The following AGBL4 variants were observed in gnomAD, a reference collection of about 807,000 sequenced individuals.
The protein encoded by AGBL4 is AGBL carboxypeptidase 4, also known as cytosolic carboxypeptidase 6.
A neutral mutation model predicts 66.4 loss-of-function variants in AGBL4; 58 were observed. The ratio of observed to expected loss-of-function variants is 0.87; its 90% CI spans 0.71 to 1.09. The LOEUF (loss-of-function observed/expected upper bound fraction) is 1.09, where lower values mean the gene tolerates loss of function less well. AGBL4 is among the 50% of genes least tolerant of loss of function. The pLI, the probability that AGBL4 is intolerant of heterozygous loss-of-function variation, is 0.00. For synonymous variants in AGBL4, 234 were observed against 222.9 expected, an observed-to-expected ratio of 1.05 and a Z score of -0.44; for missense variants, 579 against 631.0, an observed-to-expected ratio of 0.92 and a Z score of 0.88.
At chr1:49,315,939 G>A (rs1245800668) in intron 3 of AGBL4, among the ~76,000 whole-genome samples, 2 of 152,020 alleles carry the variant, frequency 1.3e-5, no homozygotes, top group East Asian at 1.9e-4. Flanking sequence ...CTACAAAGAA[G>A]AGCGCTATCA....
chr1:48,732,039 A>T (rs557275100), intron 6 of AGBL4, among the ~76,000 whole-genome samples: 2 of 152,190 alleles, frequency 1.3e-5, no homozygotes. Flanking sequence ...TGGAAAAAGT[A>T]GAGAAACTTT....
At chr1:49,147,589 G>T (rs1646242992) in intron 4 of AGBL4, among the ~76,000 whole-genome samples, 1 of 152,238 alleles carries the variant, frequency 6.6e-6, no homozygotes, top group South Asian at 2.1e-4. Context: ...GAGGAGAAAA[G>T]TTGCCACCTC....
At chr1:49,217,787 A>G (rs1452408846) in intron 4 of AGBL4, among the ~76,000 whole-genome samples, 1 of 152,106 alleles carries the variant, frequency 6.6e-6, no homozygotes, top group African/African-American at 2.4e-5. Flanking sequence ...TTAAGTCTGG[A>G]GAATGAATTA....
chr1:49,713,632 A>C (rs1647844891), intron 2 of AGBL4, among the ~76,000 whole-genome samples: 1 of 152,058 alleles, frequency 6.6e-6, no homozygotes, highest in Non-Finnish European at 1.5e-5. Context: ...ACACACATAC[A>C]TAAACAGATT....
At chr1:49,369,396 C>G (rs1009361455) in intron 3 of AGBL4, among the ~76,000 whole-genome samples, 5 of 152,118 alleles carry the variant, frequency 3.3e-5, no homozygotes, top group Admixed American at 3.3e-4. Flanking sequence ...AACTTCTTGT[C>G]TTAATCAACC....
chr1:49,683,286 T>G (rs1206212277), intron 3 of AGBL4, among the ~76,000 whole-genome samples: 1 of 152,076 alleles, frequency 6.6e-6, no homozygotes, highest in Non-Finnish European at 1.5e-5. Context: ...TATACCAGGG[T>G]GTCATTGCAG....
At chr1:49,358,640 C>T (rs1001415879) in intron 3 of AGBL4, among the ~76,000 whole-genome samples, 6 of 152,008 alleles carry the variant, frequency 3.9e-5, no homozygotes, top group East Asian at 1.9e-4. Flanking sequence ...TATTGGTTAG[C>T]GCTGAACATT....
intron 2 of AGBL4, among the ~76,000 whole-genome samples, chr1:49,737,531 G>A (rs1649997865): frequency 6.6e-6 from 1 of 152,156 alleles, no homozygotes; most frequent in South Asian, 2.1e-4. Context: ...ACTACTAGAG[G>A]TGGGAGAGAG....
At chr1:49,819,029 T>A (rs1645299760) in intron 2 of AGBL4, among the ~76,000 whole-genome samples, 1 of 152,062 alleles carries the variant, frequency 6.6e-6, no homozygotes, top group Non-Finnish European at 1.5e-5. Flanking sequence ...TATTTCCTCA[T>A]CTGAAATATT....
chr1:48,754,429 G>A (rs1053425096), intron 6 of AGBL4, among the ~76,000 whole-genome samples: 1 of 152,082 alleles, frequency 6.6e-6, no homozygotes, highest in African/African-American at 2.4e-5. Flanking sequence ...TGGAACAAAG[G>A]ATACCCTCGA....
chr1:49,782,317 C>A (rs1644355999), intron 2 of AGBL4, among the ~76,000 whole-genome samples: 1 of 152,000 alleles, frequency 6.6e-6, no homozygotes, highest in Admixed American at 6.6e-5. Flanking sequence ...ATTATAAGAT[C>A]ATACTATGAA....
intron 5 of AGBL4, among the ~76,000 whole-genome samples, chr1:48,998,136 C>T (rs1661152404): frequency 2.6e-5 from 4 of 152,050 alleles, no homozygotes; most frequent in Non-Finnish European, 5.9e-5. Flanking sequence ...ATCGATTATC[C>T]CTTTCTGCCT....
chr1:49,955,532 G>A (rs1470008971), intron 1 of AGBL4, among the ~76,000 whole-genome samples: 1 of 151,776 alleles, frequency 6.6e-6, no homozygotes. Context: ...AGATCTAATT[G>A]GTTTATAAAT....
At chr1:48,892,840 T>TA in intron 5 of AGBL4, among the ~76,000 whole-genome samples, 1 of 152,338 alleles carries the variant, frequency 6.6e-6, no homozygotes, top group Admixed American at 6.5e-5. Flanking sequence ...TTTTCTTTTT[T>TA]AAAATCTTTT....
chr1:49,238,884 C>A (rs1650997522), intron 4 of AGBL4, among the ~76,000 whole-genome samples: 1 of 152,108 alleles, frequency 6.6e-6, no homozygotes, highest in Non-Finnish European at 1.5e-5. Flanking sequence ...AAAAGGAAAC[C>A]CACAGAACTC....
chr1:49,362,356 G>T (rs1570524708), intron 3 of AGBL4, among the ~76,000 whole-genome samples: 1 of 143,736 alleles, frequency 7.0e-6, no homozygotes, highest in Non-Finnish European at 1.5e-5. Flanking sequence ...CAGTATCTAT[G>T]TTCCCATATA....
intron 3 of AGBL4, among the ~76,000 whole-genome samples, chr1:49,360,432 T>C (rs934081873): frequency 2.6e-5 from 4 of 152,342 alleles, no homozygotes; most frequent in East Asian, 3.9e-4. Context: ...AAGTTCATAA[T>C]TTTCTATAGT....
chr1:49,771,727 C>T (rs1644063980), intron 2 of AGBL4, among the ~76,000 whole-genome samples: 1 of 151,946 alleles, frequency 6.6e-6, no homozygotes, highest in Non-Finnish European at 1.5e-5. Context: ...GAATTGCTCC[C>T]TTTATCATAA....
chr1:48,798,879 C>G (rs1558002927), intron 6 of AGBL4, among the ~76,000 whole-genome samples: 1 of 152,094 alleles, frequency 6.6e-6, no homozygotes, highest in Non-Finnish European at 1.5e-5. Flanking sequence ...AGTCTATATG[C>G]CTATTTTTAT....
Sources: allele counts gnomAD v4.1 joint callset (sites outside exome capture counted in the v4.1 genomes callset), GRCh38; gene constraint gnomAD v4.1.1; transcripts MANE v1.5; gene names NCBI Gene and HGNC (gene_info 2026-07-23, HGNC 2026-07-21).